LIPA: variants seen among roughly 807,000 people sequenced by gnomAD.
LIPA encodes lysosomal acid lipase/cholesteryl ester hydrolase.
LIPA carries 26 observed loss-of-function variants against 40.6 expected under a neutral mutation model. The ratio of observed to expected loss-of-function variants is 0.64; its 90% confidence interval spans 0.47 to 0.89. The LOEUF (loss-of-function observed/expected upper bound fraction) is 0.89, where lower values mean the gene tolerates loss of function less well. Among genes scored for constraint, LIPA ranks in the 40% least tolerant of loss-of-function variants. LIPA has a pLI of 0.00. For synonymous variants in LIPA, 188 were observed against 168.4 expected (o/e 1.12, Z -0.90); for missense variants, 455 against 479.6 (o/e 0.95, Z 0.48).
chr10:89,371,155 G>C (rs901346474), intron 2 of LIPA, among the ~76,000 whole-genome samples: 3 of 152,252 alleles, frequency 2.0e-5, no homozygotes, highest in Non-Finnish European at 4.4e-5. Flanking sequence ...CCCACCAAAA[G>C]GAGATATCAC....
chr10:89,333,824 T>G (rs530803881), intron 1 of LIPA, among the ~76,000 whole-genome samples: 1 of 152,174 alleles, frequency 6.6e-6, no homozygotes, highest in Non-Finnish European at 1.5e-5. Flanking sequence ...CCCGGGAGGT[T>G]GTAAGAAAGG....
At chr10:89,244,447 C>T (rs930147986) in intron 3 of LIPA, among the ~76,000 whole-genome samples, 4 of 151,958 alleles carry the variant, frequency 2.6e-5, no homozygotes, top group African/African-American at 7.3e-5. Context: ...TTAATTTCCC[C>T]AAGAAAAGTC....
At chr10:89,402,604 G>T (rs760800361) in intron 2 of LIPA, 8 of 1,614,102 alleles carry the variant, frequency 5.0e-6, no homozygotes, top group Admixed American at 1.7e-5. Context: ...CACATGGGCA[G>T]ACTGGCAGAA....
intron 1 of LIPA, among the ~76,000 whole-genome samples, chr10:89,342,177 C>G (rs1843877292): frequency 6.6e-6 from 1 of 152,046 alleles, no homozygotes; most frequent in African/African-American, 2.4e-5. Flanking sequence ...TGTCAAGTGT[C>G]CTCTGCCTGT....
chr10:89,306,539 A>G (rs1461904724), intron 1 of LIPA: 1 of 1,614,004 alleles, frequency 6.2e-7, no homozygotes, highest in African/African-American at 1.3e-5. Flanking sequence ...TCAGAACGCC[A>G]TTGACCCTCT....
At chr10:89,407,871 A>T (rs1184465051) in intron 2 of LIPA, among the ~76,000 whole-genome samples, 2 of 152,006 alleles carry the variant, frequency 1.3e-5, no homozygotes, top group East Asian at 3.9e-4. Flanking sequence ...AACCTTCCTC[A>T]GTCCTCCTTG....
At chr10:89,290,530 C>T (rs1166656964) in intron 1 of LIPA, among the ~76,000 whole-genome samples, 2 of 152,238 alleles carry the variant, frequency 1.3e-5, no homozygotes, top group Non-Finnish European at 2.9e-5. Flanking sequence ...GCTAAGCCAA[C>T]ATATCCCCTG....
intron 2 of LIPA, among the ~76,000 whole-genome samples, chr10:89,382,874 G>A (rs1056713846): frequency 2.0e-5 from 3 of 152,196 alleles, no homozygotes; most frequent in Admixed American, 6.5e-5. Flanking sequence ...TGGGAGGAGA[G>A]AAAACCAAAA....
chr10:89,320,929 C>A (rs1301372436), intron 1 of LIPA, among the ~76,000 whole-genome samples: 1 of 152,020 alleles, frequency 6.6e-6, no homozygotes, highest in African/African-American at 2.4e-5. Flanking sequence ...CTACAACCAT[C>A]TGATCTTTGA....
At chr10:89,403,217 C>G in intron 2 of LIPA, 2 of 1,614,072 alleles carry the variant, frequency 1.2e-6, no homozygotes, top group Non-Finnish European at 1.7e-6. Flanking sequence ...GAGGGCAGAA[C>G]AGAGAAAAGC....
chr10:89,383,694 G>C, intron 2 of LIPA: 2 of 1,614,242 alleles, frequency 1.2e-6, no homozygotes, highest in Non-Finnish European at 1.7e-6. Context: ...CTTGCAAGAA[G>C]TTTGCAAATC....
intron 2 of LIPA, among the ~76,000 whole-genome samples, chr10:89,359,277 A>G (rs1844005949): frequency 6.6e-6 from 1 of 152,222 alleles, no homozygotes; most frequent in Non-Finnish European, 1.5e-5. Flanking sequence ...TTGCACCCCA[A>G]AATATATATA....
intron 2 of LIPA, chr10:89,393,048 C>A: frequency 1.1e-6 from 1 of 931,260 alleles, no homozygotes; most frequent in South Asian, 1.6e-5. Context: ...AGATTCACTT[C>A]TGTCTGATAT....
intron 2 of LIPA, chr10:89,384,277 G>C: frequency 1.2e-6 from 2 of 1,614,156 alleles, no homozygotes; most frequent in Non-Finnish European, 1.7e-6. Context: ...GGACAGATTG[G>C]TTCAATTGGC....
intron 1 of LIPA, among the ~76,000 whole-genome samples, chr10:89,248,295 G>A (rs1056248944): frequency 6.6e-6 from 1 of 151,112 alleles, no homozygotes; most frequent in African/African-American, 2.4e-5. Context: ...CAGAGTAGCT[G>A]GGACTACAGG....
chr10:89,352,514 C>G (rs1297664124), intron 2 of LIPA, among the ~76,000 whole-genome samples: 1 of 152,152 alleles, frequency 6.6e-6, no homozygotes, highest in East Asian at 1.9e-4. Context: ...CAATTTTTGT[C>G]TTAGTCTTCC....
At chr10:89,365,309 T>C (rs767627787) in intron 2 of LIPA, among the ~76,000 whole-genome samples, 1 of 152,178 alleles carries the variant, frequency 6.6e-6, no homozygotes, top group South Asian at 2.1e-4. Context: ...AAGACAGAGA[T>C]CTTGTAAATT....
chr10:89,225,561 AC>A (rs1316446551), intron 5 of LIPA, among the ~76,000 whole-genome samples: 4 of 152,148 alleles, frequency 2.6e-5, no homozygotes, highest in Non-Finnish European at 1.5e-5. Flanking sequence ...CAAGAGCCTC[AC>A]CCCATCACCT....
intron 3 of LIPA, among the ~76,000 whole-genome samples, chr10:89,235,371 TG>T (rs1842892427): frequency 1.3e-5 from 2 of 152,140 alleles, no homozygotes; most frequent in Admixed American, 1.3e-4. Flanking sequence ...CTAGGAGGGC[TG>T]GGGATTAAGG....
Sources: allele counts gnomAD v4.1 joint callset (sites outside exome capture counted in the v4.1 genomes callset), GRCh38; gene constraint gnomAD v4.1.1; transcripts MANE v1.5; gene names NCBI Gene and HGNC (gene_info 2026-07-23, HGNC 2026-07-21).